NFU1: variants seen among roughly 807,000 people sequenced by gnomAD.
The protein encoded by NFU1 is NFU1 iron-sulfur cluster scaffold homolog, mitochondrial.
A neutral mutation model predicts 32.2 loss-of-function variants in NFU1; 30 were observed. The ratio of observed to expected loss-of-function variants is 0.93; its 90% CI spans 0.70 to 1.26. NFU1 has a LOEUF of 1.26. NFU1 is among the 50% of genes most tolerant of loss of function. NFU1 has a pLI of 0.00. For synonymous variants in NFU1, 112 were observed against 104.6 expected, an observed-to-expected ratio of 1.07 and a Z score of -0.43; for missense variants, 306 against 306.6, an observed-to-expected ratio of 1.00 and a Z score of 0.02.
chr2:69,408,734 TTATA>T lies in NFU1; in HGVS notation c.485-2656_485-2653del, dbSNP rs70954344. ...CACCGTCTCAAAAAAATATAAAATT[TTATA>T]TATATATATATATATATATATATAT... On this transcript the variant is annotated intron_variant, in intron 5 of 7. Coordinates refer to ENST00000410022, the MANE Select transcript of NFU1 (RefSeq NM_001002755.4). Among the ~76,000 whole-genome samples the T allele has an allele frequency of 6.8e-3, 923 of 136,382 alleles. 17 individuals carry two copies. In the East Asian group the frequency reaches 0.084, roughly 12 times the overall value. 89.5% of individuals were successfully genotyped at this position (136,382 alleles called of 152,430 possible). A position where few individuals can be genotyped will look rare whatever the true frequency, so the allele number is the denominator to read the frequency against.
chr2:69,408,623 G>A (rs1205037962), intron 5 of NFU1, among the ~76,000 whole-genome samples: 1 of 151,638 alleles, frequency 6.6e-6, no homozygotes, highest in Non-Finnish European at 1.5e-5. Context: ...CAGAGGCTGA[G>A]GCAGGAGAAT....
At chr2:69,407,651 G>A (rs1487618214) in intron 5 of NFU1, among the ~76,000 whole-genome samples, 2 of 147,356 alleles carry the variant, frequency 1.4e-5, no homozygotes, top group East Asian at 4.0e-4. Context: ...TTCCAGCCTG[G>A]CTAACAGAGC....
At chr2:69,420,162 C>T (rs765571286) in intron 3 of NFU1, among the ~76,000 whole-genome samples, 5 of 152,088 alleles carry the variant, frequency 3.3e-5, no homozygotes, top group Non-Finnish European at 1.5e-5. Flanking sequence ...CCCACCACCA[C>T]GCCCAGCTAA....
intron 2 of NFU1, among the ~76,000 whole-genome samples, chr2:69,427,348 G>A (rs1179198973): frequency 6.7e-6 from 1 of 149,858 alleles, no homozygotes; most frequent in East Asian, 2.0e-4. Context: ...TCGCACCATT[G>A]CACTCCAGCC....
chr2:69,402,754 TA>T (rs1250206358), intron 6 of NFU1, among the ~76,000 whole-genome samples: 1 of 151,968 alleles, frequency 6.6e-6, no homozygotes, highest in Non-Finnish European at 1.5e-5. Context: ...GCTAATTTTT[TA>T]TTTTTTTAGT....
At chr2:69,418,071 C>T (rs1417472337) in intron 4 of NFU1, among the ~76,000 whole-genome samples, 1 of 151,674 alleles carries the variant, frequency 6.6e-6, no homozygotes, top group African/African-American at 2.4e-5. Context: ...ATGTTCATCC[C>T]TTCTTCTCCT....
chr2:69,437,513 A>G (rs1322796627), upstream of NFU1: 1 of 1,491,344 alleles, frequency 6.7e-7, no homozygotes, highest in Non-Finnish European at 9.1e-7. Context: ...GGCACTGGGA[A>G]GAGCCCACCC....
chr2:69,437,670 G>A (rs778571914), upstream of NFU1: 3 of 601,738 alleles, frequency 5.0e-6, no homozygotes, highest in Non-Finnish European at 5.9e-6. Context: ...CACTGTGAAC[G>A]CATGCGTGTT....
At chr2:69,399,367 G>A (rs1446365761) in intron 7 of NFU1, 1 of 455,720 alleles carries the variant, frequency 2.2e-6, no homozygotes, top group Non-Finnish European at 4.4e-6. Flanking sequence ...TGATGACAAG[G>A]TGCTGTGTTA....
chr2:69,411,738 A>T (rs1026209039), intron 5 of NFU1, among the ~76,000 whole-genome samples: 20 of 152,104 alleles, frequency 1.3e-4, no homozygotes, highest in Non-Finnish European at 2.6e-4. Context: ...GACTACATGC[A>T]CGCATCACCA....
chr2:69,402,056 G>GTT (rs1672539893), intron 6 of NFU1, among the ~76,000 whole-genome samples: 1 of 152,034 alleles, frequency 6.6e-6, no homozygotes, highest in Non-Finnish European at 1.5e-5. Flanking sequence ...AATACCCCCA[G>GTT]CTAATTTTTT....
At position 69,423,788 on chromosome 2, in the gene NFU1, C is replaced by G. The variant is rs928623436; in HGVS notation, c.167-71G>C. 4 of 1,124,136 alleles carry G rather than the reference C, an allele frequency of 3.6e-6. No homozygotes were observed. In the African/African-American group the frequency reaches 6.2e-5, roughly 17 times the overall value. 69.6% of individuals were successfully genotyped at this position (1,124,136 alleles called of 1,614,324 possible). On this transcript the variant is annotated intron_variant, in intron 2 of 7. Coordinates refer to ENST00000410022, the MANE Select transcript of NFU1 (RefSeq NM_001002755.4). ...ACAAGTTTATGGACTATGAAGTGCTCATTTGCAGAGAATCAGAAGAAGTAA... is the reference window on the plus strand; with the variant it reads ...ACAAGTTTATGGACTATGAAGTGCTGATTTGCAGAGAATCAGAAGAAGTAA...
intron 3 of NFU1, among the ~76,000 whole-genome samples, chr2:69,420,109 A>G (rs6546517): frequency 0.67 from 100,701 of 151,300 alleles, 34,683 homozygotes; most frequent in African/African-American, 0.86. Flanking sequence ...GGGTTCAAGC[A>G]ATTTTCCTGC....
upstream of NFU1, among the ~76,000 whole-genome samples, chr2:69,439,178 C>A (rs1321034112): frequency 2.0e-5 from 3 of 152,106 alleles, no homozygotes; most frequent in Non-Finnish European, 4.4e-5. Context: ...TCCTCAAACC[C>A]CTGAAACGAG....
At chr2:69,413,493 G>A (rs938345096) in intron 5 of NFU1, among the ~76,000 whole-genome samples, 1 of 152,182 alleles carries the variant, frequency 6.6e-6, no homozygotes, top group East Asian at 1.9e-4. Flanking sequence ...CAGGCAGGGT[G>A]GCTCACGCCT....
chr2:69,411,620 T>G (rs1484579017), intron 5 of NFU1, among the ~76,000 whole-genome samples: 1 of 152,022 alleles, frequency 6.6e-6, no homozygotes, highest in East Asian at 1.9e-4. Context: ...AGAGATGTGG[T>G]CTAGTTCTAT....
At chr2:69,402,297 A>G (rs974352224) in intron 6 of NFU1, among the ~76,000 whole-genome samples, 1 of 152,160 alleles carries the variant, frequency 6.6e-6, no homozygotes, top group Non-Finnish European at 1.5e-5. Context: ...AACACTGTAA[A>G]TATCTTCTAA....
chr2:69,406,152 CAG>C (rs777578176), intron 5 of NFU1, 70 bp from the exon 6 acceptor site: 11 of 894,256 alleles, frequency 1.2e-5, no homozygotes, highest in Non-Finnish European at 2.0e-5. Flanking sequence ...AGTATTAAAA[CAG>C]AATGATTTTA....
Position 69,400,526 on chromosome 2 carries a change from C to T in NFU1, c.558G>A (p.Gln186=). 1 of 1,614,006 alleles carries T rather than the reference C, an allele frequency of 6.2e-7. No homozygotes were observed. Among genetic ancestry groups the T allele is most frequent in the African/African-American group, 1.3e-5 (1 of 74,998 alleles). The change falls in exon 7 of 8, where the codon CAG becomes CAA. Residue 186 remains glutamine (Q), a synonymous_variant. Coordinates refer to ENST00000410022, the MANE Select transcript of NFU1 (RefSeq NM_001002755.4). ...TGTAGATTACATCCCCTCCATCTTC[C>T]TGCACAGTTGGCCTGTGAGGTCAAA... ...LLDTRIRPTV[Q]EDGGDVIYKG...
Sources: gnomAD v4.1 joint callset for allele counts (sites outside exome capture counted in the v4.1 genomes callset) on GRCh38, gnomAD v4.1.1 for gene constraint, MANE v1.5 for transcripts, NCBI Gene and HGNC (gene_info 2026-07-23, HGNC 2026-07-21) for gene names.